The following LIPC variants were observed in gnomAD, a reference collection of about 807,000 sequenced individuals.
The protein encoded by LIPC is hepatic triacylglycerol lipase.
Under a neutral mutation model 50.7 loss-of-function variants are expected in LIPC, and 44 were observed. The observed-to-expected ratio is 0.87, with a 90% CI of 0.68 to 1.11. The LOEUF (loss-of-function observed/expected upper bound fraction) is 1.11. Among genes scored for constraint, LIPC ranks in the 50% most tolerant of loss-of-function variants. The probability of loss-of-function intolerance (pLI) is 0.00; values close to 1 mark genes in which losing one functional copy is unlikely to be tolerated. For missense variants in LIPC, 697 were observed against 648.2 expected, an observed-to-expected ratio of 1.08 and a Z score of -0.82; for synonymous variants, 271 against 256.4, an observed-to-expected ratio of 1.06 and a Z score of -0.54.
chr15:58,481,413 T>G (rs1433750641), intron 1 of LIPC, among the ~76,000 whole-genome samples: 1 of 152,212 alleles, frequency 6.6e-6, no homozygotes, highest in Non-Finnish European at 1.5e-5. Context: ...TTGGGTTATC[T>G]GTAGTAGCAA....
At chr15:58,452,265 G>A (rs1417116188) in intron 1 of LIPC, among the ~76,000 whole-genome samples, 7 of 152,192 alleles carry the variant, frequency 4.6e-5, no homozygotes, top group Non-Finnish European at 7.3e-5. Flanking sequence ...TATGGGGCCC[G>A]GCAGTCTGGG....
chr15:58,490,144 A>G (rs571212001), intron 1 of LIPC, among the ~76,000 whole-genome samples: 1 of 152,318 alleles, frequency 6.6e-6, no homozygotes, highest in South Asian at 2.1e-4. Flanking sequence ...GAGTCTCGAG[A>G]TGTTTAGGAA....
In LIPC at chr15:58,545,836, T is replaced by C. The variant is rs773685048; in HGVS notation, c.669T>C (p.Phe223=). 6.2e-7 allele frequency: 1 copy of C among 1,614,212 alleles called. No homozygotes were observed. Among genetic ancestry groups the C allele is most frequent in the Non-Finnish European group, 8.5e-7 (1 of 1,180,036 alleles). The change falls in exon 5 of 9, where the codon TTT becomes TTC. Residue 223 remains phenylalanine (F), a synonymous_variant. Transcript: ENST00000299022. The stretch of plus-strand genomic sequence containing the variant: ...ATTTTGTGGATGCCATTCATACCTT[T>C]ACCCGGGAGCACATGGGCCTGAGCG... The part of the protein sequence containing the change: ...DANFVDAIHT[F]TREHMGLSVG...
Position 58,496,743 on chromosome 15 carries a change from C to CAA in LIPC, c.89-41574_89-41573dup, listed in dbSNP as rs10716717. Reference sequence around the variant, plus strand: ...GCCCTGCTACAGAAGTCTTCCCCCTCAAAAAAAAAAAAAAAAATTAAGATG... The same window carrying CAA: ...GCCCTGCTACAGAAGTCTTCCCCCTCAAAAAAAAAAAAAAAAAAATTAAGATG... On this transcript the variant is annotated intron_variant, in intron 1 of 8. Transcript: ENST00000299022. Among the ~76,000 whole-genome samples, 21 of 114,178 alleles carry CAA rather than the reference C, an allele frequency of 1.8e-4. 3 individuals are homozygous for CAA. The highest frequency in any genetic ancestry group is 1.9e-4 in the Non-Finnish European group (11 of 56,524). The allele number at this position is 114,178 out of a possible 152,430, so 74.9% of individuals were successfully genotyped here.
In LIPC at chr15:58,468,423, G is replaced by C. The variant is rs573136621; in HGVS notation, c.88+36303G>C. ...AATGAATCAGAAACTCTGAGAATGA[G>C]GGCCCACAATCTGGGTTTTAGCAAG... On this transcript the variant is annotated intron_variant, in intron 1 of 8. Transcript: ENST00000299022. 3.9e-5 allele frequency among the ~76,000 whole-genome samples: 6 copies of C among 152,032 alleles called. No individual in the cohort carries two copies. In the South Asian group the frequency reaches 1.2e-3, roughly 32 times the overall value.
chr15:58,476,235 T>C (rs904913766), intron 1 of LIPC, among the ~76,000 whole-genome samples: 6 of 152,264 alleles, frequency 3.9e-5, no homozygotes, highest in Non-Finnish European at 2.9e-5. Flanking sequence ...TCAGAGTCTC[T>C]GGTACAGCAG....
At chr15:58,525,138 T>C (rs1892763999) in intron 1 of LIPC, among the ~76,000 whole-genome samples, 1 of 152,234 alleles carries the variant, frequency 6.6e-6, no homozygotes, top group African/African-American at 2.4e-5. Flanking sequence ...TTTCATCTTT[T>C]TCCAGATCTC....
intron 1 of LIPC, among the ~76,000 whole-genome samples, chr15:58,474,884 C>T (rs760267388): frequency 6.6e-6 from 1 of 152,206 alleles, no homozygotes; most frequent in Admixed American, 6.5e-5. Flanking sequence ...TGACCTGCCC[C>T]ATCCCAGAGA....
chr15:58,432,336 A>C (rs891555216), intron 1 of LIPC: 1 of 593,036 alleles, frequency 1.7e-6, no homozygotes, highest in African/African-American at 1.9e-5. Context: ...AAAGTCTTCT[A>C]AGAGTGCCTG....
intron 1 of LIPC, among the ~76,000 whole-genome samples, chr15:58,476,925 G>A (rs536006191): frequency 2.0e-5 from 3 of 152,140 alleles, no homozygotes; most frequent in African/African-American, 7.2e-5. Flanking sequence ...CCCAGGGCAC[G>A]TCCTGCTCTC....
intron 2 of LIPC, among the ~76,000 whole-genome samples, chr15:58,539,383 T>C (rs2140907955): frequency 6.6e-6 from 1 of 152,346 alleles, no homozygotes; most frequent in Middle Eastern, 3.4e-3. Flanking sequence ...AAGTATAGGC[T>C]GTTAAAGAAA....
At chr15:58,494,665 A>G (rs1179698821) in intron 1 of LIPC, 2 of 433,668 alleles carry the variant, frequency 4.6e-6, no homozygotes, top group East Asian at 7.0e-5. Flanking sequence ...GCCAATGTAT[A>G]TTTCACATTG....
At chr15:58,540,401 C>T (rs905101046) in intron 2 of LIPC, among the ~76,000 whole-genome samples, 1 of 151,166 alleles carries the variant, frequency 6.6e-6, no homozygotes, top group African/African-American at 2.5e-5. Flanking sequence ...CATAACAATC[C>T]TGGAAGGAGA....
At position 58,449,175 on chromosome 15, in the gene LIPC, G is replaced by A. The variant is rs149968637; in HGVS notation, c.88+17055G>A. On this transcript the variant is annotated intron_variant, in intron 1 of 8. Transcript: ENST00000299022. ...GATGGCTACTCAGACGCCAGTCTGCGAGCACCCCACGCTCAGCTGCTCCAT... is the reference window on the plus strand; with the variant it reads ...GATGGCTACTCAGACGCCAGTCTGCAAGCACCCCACGCTCAGCTGCTCCAT... Among the ~76,000 whole-genome samples, 481 of 152,288 alleles carry A rather than the reference G, an allele frequency of 3.2e-3. 4 individuals are homozygous for A. The highest frequency in any genetic ancestry group is 0.011 in the African/African-American group (463 of 41,574).
intron 1 of LIPC, chr15:58,497,705 C>T (rs1891822479): frequency 1.3e-5 from 2 of 152,404 alleles, no homozygotes; most frequent in Non-Finnish European, 2.9e-5. Context: ...ACTCTATTCC[C>T]CAAATGCATA....
chr15:58,513,639 T>C (rs1251219430), intron 1 of LIPC, among the ~76,000 whole-genome samples: 1 of 152,082 alleles, frequency 6.6e-6, no homozygotes, highest in East Asian at 1.9e-4. Flanking sequence ...AGGATGAGGA[T>C]TGGAAAGCTG....
At chr15:58,542,453 G>C (rs1256509566) in intron 3 of LIPC, 81 bp from the exon 4 acceptor site, 1 of 878,002 alleles carries the variant, frequency 1.1e-6, no homozygotes, top group Admixed American at 1.7e-5. Flanking sequence ...AGAACAGGGT[G>C]GGCGCCACAA....
intron 1 of LIPC, among the ~76,000 whole-genome samples, chr15:58,504,074 A>G (rs1275350946): frequency 6.6e-6 from 1 of 152,210 alleles, no homozygotes; most frequent in Non-Finnish European, 1.5e-5. Context: ...CCTGTATACC[A>G]CAGAAATCCA....
At chr15:58,559,044 A>G (rs1408404989) in intron 6 of LIPC, among the ~76,000 whole-genome samples, 1 of 152,228 alleles carries the variant, frequency 6.6e-6, no homozygotes, top group East Asian at 1.9e-4. Flanking sequence ...ATACCAGGAC[A>G]CTGGAGCTGG....
Sources: gnomAD v4.1 joint callset for allele counts (sites outside exome capture counted in the v4.1 genomes callset) on GRCh38, gnomAD v4.1.1 for gene constraint, MANE v1.5 for transcripts, NCBI Gene and HGNC (gene_info 2026-07-23, HGNC 2026-07-21) for gene names.